The following EHBP1 variants were observed in gnomAD, a reference collection of about 807,000 sequenced individuals.
EHBP1 encodes EH domain binding protein 1, also known as EH domain-binding protein 1.
EHBP1 carries 55 observed loss-of-function variants against 144.0 expected under a neutral mutation model. The ratio of observed to expected loss-of-function variants is 0.38; its 90% CI spans 0.31 to 0.48. The LOEUF is 0.48. EHBP1 is among the 20% of genes least tolerant of loss of function. EHBP1 has a pLI of 0.98. For synonymous variants in EHBP1, 469 were observed against 472.7 expected (o/e 0.99, Z 0.10); for missense variants, 1,200 against 1,364.2 (o/e 0.88, Z 1.90).
intron 5 of EHBP1, among the ~76,000 whole-genome samples, chr2:62,805,464 TTTTC>T (rs1339357164): frequency 1.4e-5 from 2 of 147,722 alleles, no homozygotes; most frequent in African/African-American, 5.0e-5. Flanking sequence ...TGTCTTTGTA[TTTTC>T]TTTTTTTTTT....
chr2:62,698,284 C>T (rs973210768), intron 1 of EHBP1, among the ~76,000 whole-genome samples: 1 of 152,142 alleles, frequency 6.6e-6, no homozygotes, highest in African/African-American at 2.4e-5. Context: ...AAGAAACATG[C>T]ACAAGTATAA....
chr2:62,729,472 TA>T (rs1380896826), intron 2 of EHBP1, among the ~76,000 whole-genome samples: 25 of 112,830 alleles, frequency 2.2e-4, no homozygotes, highest in Admixed American at 1.6e-3. Flanking sequence ...TATAAATATA[TA>T]AAAATATATA....
intron 13 of EHBP1, among the ~76,000 whole-genome samples, chr2:62,952,285 T>C (rs923076639): frequency 1.3e-5 from 2 of 152,206 alleles, no homozygotes; most frequent in Non-Finnish European, 2.9e-5. Context: ...AAATTGTATA[T>C]AGCAGCTGAA....
At chr2:62,890,627 GA>G (rs1192134236) in intron 10 of EHBP1, among the ~76,000 whole-genome samples, 7 of 152,158 alleles carry the variant, frequency 4.6e-5, no homozygotes, top group Admixed American at 3.3e-4. Context: ...ATTAGCTAAA[GA>G]AACTTTTGGG....
intron 5 of EHBP1, among the ~76,000 whole-genome samples, chr2:62,824,813 T>A (rs1191545737): frequency 2.0e-5 from 3 of 152,006 alleles, no homozygotes; most frequent in Non-Finnish European, 2.9e-5. Context: ...TTTTAAAGGC[T>A]GTTTTAATAT....
intron 7 of EHBP1, chr2:62,858,241 A>G (rs1161949283): frequency 2.3e-6 from 1 of 434,142 alleles, no homozygotes; most frequent in Non-Finnish European, 4.1e-6. Flanking sequence ...CATAACATTC[A>G]GTTAAGCATA....
chr2:62,832,438 C>CTTTTTTTTTTTTTTTTTTTTT (rs202005406), intron 7 of EHBP1, among the ~76,000 whole-genome samples: 3 of 117,816 alleles, frequency 2.5e-5, no homozygotes, highest in African/African-American at 9.5e-5. Flanking sequence ...TTTCTTTTTT[C>CTTTTTTTTTTTTTTTTTTTTT]TTTTTTTTTT....
chr2:62,741,006 A>T (rs2038651759), intron 2 of EHBP1, among the ~76,000 whole-genome samples: 2 of 152,138 alleles, frequency 1.3e-5, no homozygotes, highest in Admixed American at 1.3e-4. Context: ...AAGTTGGTGA[A>T]CCTAACAAAA....
chr2:62,725,249 TTGTGCCTTATTTGCA>T (rs908811951), intron 2 of EHBP1, among the ~76,000 whole-genome samples: 39 of 152,338 alleles, frequency 2.6e-4, no homozygotes, highest in Non-Finnish European at 3.5e-4. Context: ...CCTCATTTGC[TTGTGCCTTATTTGCA>T]TGTGCCTCAT....
intron 11 of EHBP1, 115 bp from the exon 12 acceptor site, chr2:62,943,687 A>G (rs2056905237): frequency 3.8e-6 from 2 of 532,420 alleles, no homozygotes; most frequent in Non-Finnish European, 6.5e-6. Flanking sequence ...TTGCTGTGAA[A>G]TTGCTGGTTA....
At chr2:62,973,641 C>T (rs758667855) in intron 14 of EHBP1, among the ~76,000 whole-genome samples, 51 of 152,302 alleles carry the variant, frequency 3.3e-4, no homozygotes, top group Non-Finnish European at 6.8e-4. Context: ...CAGCAGCCAT[C>T]ATCAAACTCA....
chr2:62,674,855 T>C (rs1038921093), intron 1 of EHBP1, among the ~76,000 whole-genome samples: 44 of 152,178 alleles, frequency 2.9e-4, no homozygotes, highest in African/African-American at 1.0e-3. Flanking sequence ...GATGTTAAAT[T>C]CCTGGCCTCA....
intron 4 of EHBP1, 32 bp from the exon 5 acceptor site, chr2:62,771,307 C>T (rs375051545): frequency 1.3e-6 from 2 of 1,547,560 alleles, no homozygotes; most frequent in Non-Finnish European, 8.8e-7. Flanking sequence ...ACATGTATTT[C>T]AATTCCATTT....
chr2:62,848,609 A>G (rs1442197916), intron 7 of EHBP1, among the ~76,000 whole-genome samples: 1 of 152,244 alleles, frequency 6.6e-6, no homozygotes, highest in Admixed American at 6.5e-5. Flanking sequence ...AAAATGAACT[A>G]TTGATATGCC....
intron 7 of EHBP1, chr2:62,858,253 C>G (rs1188487096): frequency 2.0e-5 from 9 of 459,674 alleles, no homozygotes; most frequent in Non-Finnish European, 3.5e-5. Context: ...TTAAGCATAT[C>G]TGTTATGGGT....
chr2:62,807,716 C>G (rs1190305339), intron 5 of EHBP1, among the ~76,000 whole-genome samples: 1 of 152,086 alleles, frequency 6.6e-6, no homozygotes, highest in Non-Finnish European at 1.5e-5. Context: ...AACAAAATAT[C>G]TCAATTTTTG....
chr2:62,860,265 G>C (rs149102084), intron 8 of EHBP1, among the ~76,000 whole-genome samples: 1 of 152,076 alleles, frequency 6.6e-6, no homozygotes, highest in Non-Finnish European at 1.5e-5. Context: ...CAGGGCTGGC[G>C]GATCACCTGA....
chr2:62,704,230 G>A (rs2034370652), upstream of EHBP1, among the ~76,000 whole-genome samples: 1 of 152,162 alleles, frequency 6.6e-6, no homozygotes, highest in Admixed American at 6.5e-5. Flanking sequence ...TAACTATGCT[G>A]TTTTCTGTAA....
At position 62,792,657 on chromosome 2, in the gene EHBP1, C is replaced by T. The variant is rs376149954; in HGVS notation, c.312+21265C>T. On this transcript the variant is annotated intron_variant, in intron 5 of 22. Transcript: ENST00000431489. ...GTATCTCTCTGCTAATTTTAGGCTG[C>T]TACTTAAAGTTTGAAAGGGTGTGTC... Among the ~76,000 whole-genome samples the T allele has an allele frequency of 2.0e-5, 3 of 151,998 alleles. No individual in the cohort carries two copies. The East Asian group carries it at 5.8e-4, about 29-fold the overall frequency.
Sources: gnomAD v4.1 joint callset for allele counts (sites outside exome capture counted in the v4.1 genomes callset) on GRCh38, gnomAD v4.1.1 for gene constraint, MANE v1.5 for transcripts, NCBI Gene and HGNC (gene_info 2026-07-23, HGNC 2026-07-21) for gene names.